PXYLP1: variants seen among roughly 807,000 people sequenced by gnomAD.
PXYLP1 encodes 2-phosphoxylose phosphatase 1.
PXYLP1 carries 17 observed loss-of-function variants against 37.9 expected under a neutral mutation model. The ratio of observed to expected loss-of-function variants is 0.45; its 90% CI spans 0.31 to 0.67. The LOEUF (loss-of-function observed/expected upper bound fraction) is 0.67. Ranked by LOEUF, PXYLP1 falls within the 30% of genes least tolerant of loss-of-function variation. The pLI is 0.07. For synonymous variants in PXYLP1, 221 were observed against 232.2 expected, an observed-to-expected ratio of 0.95 and a Z score of 0.44; for missense variants, 511 against 612.0, an observed-to-expected ratio of 0.84 and a Z score of 1.74.
At chr3:141,248,644 TATATATACACACGTATATATACACACAC>T (rs1941039746) in intron 1 of PXYLP1, among the ~76,000 whole-genome samples, 1 of 108,330 alleles carries the variant, frequency 9.2e-6, no homozygotes, top group Non-Finnish European at 1.9e-5. Context: ...TACACACGTG[TATATATACACACGTATATATACACACAC>T]GTGTATATAT....
At chr3:141,262,584 A>T in intron 2 of PXYLP1, 1 of 1,420,398 alleles carries the variant, frequency 7.0e-7, no homozygotes, top group South Asian at 1.4e-5. Context: ...TGTTTTAGGA[A>T]AGCCAATTTT....
rs111683103 is a variant in PXYLP1 at position 141,279,687 on chromosome 3, T to C, written c.365+183T>C. Among the ~76,000 whole-genome samples, 554 of 152,300 alleles carry C rather than the reference T, an allele frequency of 3.6e-3. 3 individuals are homozygous for C. The highest frequency in any genetic ancestry group is 0.013 in the African/African-American group (529 of 41,568). ...AGGCCCACAGAGGCGGGGACACCTG[T>C]TTGAAGCAACACAGCAGATATACTG... On this transcript the variant is annotated intron_variant, in intron 4 of 5. Transcript: ENST00000286353.
At chr3:141,248,230 A>C (rs1941009730) in intron 1 of PXYLP1, among the ~76,000 whole-genome samples, 1 of 151,744 alleles carries the variant, frequency 6.6e-6, no homozygotes. Flanking sequence ...ACAGGGTGTC[A>C]CCATGTTGGT....
chr3:141,294,800 C>T lies in PXYLP1; in HGVS notation c.*1595C>T, dbSNP rs1444574587. 1 of 152,154 alleles carries T rather than the reference C, an allele frequency of 6.6e-6. No homozygotes were observed. Among genetic ancestry groups the T allele is most frequent in the African/African-American group, 2.4e-5 (1 of 41,424 alleles). The allele number at this position is 152,154 out of a possible 1,614,324, so 9.4% of individuals were successfully genotyped here. A position where few individuals can be genotyped will look rare whatever the true frequency, so the allele number is the denominator to read the frequency against. ...AACTGCTGAAAGTTGTGTTATCTCT[C>T]AAGTATTCAAAGACTAAATGTGTTT... is the stretch of plus-strand genomic sequence containing the variant. On this transcript the variant is annotated 3_prime_UTR_variant, in exon 6 of 6. Coordinates refer to ENST00000286353, the MANE Select transcript of PXYLP1 (RefSeq NM_001037172.3).
intron 1 of PXYLP1, among the ~76,000 whole-genome samples, chr3:141,248,036 T>TTC (rs1941005281): frequency 2.0e-5 from 3 of 150,146 alleles, no homozygotes; most frequent in Non-Finnish European, 4.4e-5. Context: ...TTTTTTTTTT[T>TTC]TTTTGAGATG....
At chr3:141,253,162 G>C (rs1239727864) in intron 1 of PXYLP1, among the ~76,000 whole-genome samples, 5 of 152,230 alleles carry the variant, frequency 3.3e-5, no homozygotes, top group African/African-American at 1.2e-4. Flanking sequence ...CTCCAGGGAA[G>C]GAGTGAGAAT....
intron 1 of PXYLP1, among the ~76,000 whole-genome samples, chr3:141,258,189 G>A (rs188468345): frequency 9.2e-5 from 14 of 152,288 alleles, no homozygotes; most frequent in East Asian, 1.9e-4. Flanking sequence ...ATCAGAAACC[G>A]GGGGTGGATG....
At chr3:141,284,643 C>G (rs1334013215) in intron 4 of PXYLP1, among the ~76,000 whole-genome samples, 1 of 152,184 alleles carries the variant, frequency 6.6e-6, no homozygotes, top group Non-Finnish European at 1.5e-5. Flanking sequence ...CGCACATTCT[C>G]CCATGTACTT....
intron 3 of PXYLP1, 40 bp downstream of exon 3, chr3:141,278,540 G>T: frequency 6.2e-7 from 1 of 1,608,334 alleles, no homozygotes; most frequent in South Asian, 1.1e-5. Context: ...ACCCCTTTGG[G>T]GACTAGTTAT....
At chr3:141,269,821 A>G (rs1941617445) in intron 2 of PXYLP1, among the ~76,000 whole-genome samples, 1 of 152,156 alleles carries the variant, frequency 6.6e-6, no homozygotes, top group African/African-American at 2.4e-5. Flanking sequence ...GGTGATTTGG[A>G]GTCTGGTGTT....
chr3:141,242,059 T>C (rs141172603), intron 1 of PXYLP1, among the ~76,000 whole-genome samples: 148 of 152,358 alleles, frequency 9.7e-4, no homozygotes, highest in African/African-American at 3.5e-3. Context: ...GGGAGATTTT[T>C]GATGGAGCAC....
intron 2 of PXYLP1, among the ~76,000 whole-genome samples, chr3:141,269,119 T>C (rs1941602922): frequency 1.3e-5 from 2 of 152,260 alleles, no homozygotes; most frequent in African/African-American, 4.8e-5. Context: ...CTCGCCTGTC[T>C]GGCTATGTCT....
At chr3:141,252,478 G>GAGCGA (rs1941162642) in intron 1 of PXYLP1, among the ~76,000 whole-genome samples, 1 of 151,928 alleles carries the variant, frequency 6.6e-6, no homozygotes, top group East Asian at 1.9e-4. Flanking sequence ...GGTGAGAGCG[G>GAGCGA]GAGCAAGAGA....
intron 2 of PXYLP1, among the ~76,000 whole-genome samples, chr3:141,262,993 A>G (rs1941429054): frequency 6.6e-6 from 1 of 152,190 alleles, no homozygotes; most frequent in Non-Finnish European, 1.5e-5. Context: ...ACTAAGTATA[A>G]CTCGGTTTTC....
At chr3:141,264,589 T>A (rs888667139) in intron 2 of PXYLP1, among the ~76,000 whole-genome samples, 1 of 152,158 alleles carries the variant, frequency 6.6e-6, no homozygotes, top group Non-Finnish European at 1.5e-5. Context: ...CCCAGGGAGC[T>A]CTTTGTCCAG....
At chr3:141,252,629 C>T (rs747829829) in intron 1 of PXYLP1, among the ~76,000 whole-genome samples, 10 of 152,204 alleles carry the variant, frequency 6.6e-5, no homozygotes, top group African/African-American at 2.2e-4. Flanking sequence ...CCACTAGGCC[C>T]CACCTACACT....
chr3:141,287,554 G>C (rs2137016), intron 5 of PXYLP1, 101 bp downstream of exon 5: 774,874 of 1,425,272 alleles, frequency 0.54, 217,172 homozygotes, highest in South Asian at 0.59. Flanking sequence ...CAGCTCAGAG[G>C]GGGTAAGCAA....
chr3:141,248,183 C>T (rs2148707569), intron 1 of PXYLP1, among the ~76,000 whole-genome samples: 1 of 151,984 alleles, frequency 6.6e-6, no homozygotes, highest in East Asian at 1.9e-4. Flanking sequence ...CCACCAAGCC[C>T]AGGTAATTTT....
chr3:141,285,146 T>TTTCC (rs1553754971), intron 4 of PXYLP1, among the ~76,000 whole-genome samples: 1 of 39,706 alleles, frequency 2.5e-5, no homozygotes, highest in Non-Finnish European at 8.0e-5. Context: ...TTCTTTTTCT[T>TTTCC]TTTTTTTTTT....
Sources: gnomAD v4.1 joint callset for allele counts (sites outside exome capture counted in the v4.1 genomes callset) on GRCh38, gnomAD v4.1.1 for gene constraint, MANE v1.5 for transcripts, NCBI Gene and HGNC (gene_info 2026-07-23, HGNC 2026-07-21) for gene names.